Variants in DOCK5 observed in about 807,000 individuals in gnomAD.
DOCK5 encodes dedicator of cytokinesis 5, also known as dedicator of cytokinesis protein 5.
Under a neutral mutation model 251.8 loss-of-function variants are expected in DOCK5, and 142 were observed. That is an observed-to-expected ratio of 0.56 (90% CI 0.49 to 0.65). The LOEUF (loss-of-function observed/expected upper bound fraction) is 0.65, where lower values mean the gene tolerates loss of function less well. DOCK5 is among the 30% of genes least tolerant of loss of function. DOCK5 has a pLI of 0.00. For synonymous variants in DOCK5, 842 were observed against 835.5 expected, an observed-to-expected ratio of 1.01 and a Z score of -0.13; for missense variants, 2,111 against 2,312.3, an observed-to-expected ratio of 0.91 and a Z score of 1.79.
chr8:25,331,313 G>T (rs1431018478), intron 18 of DOCK5, among the ~76,000 whole-genome samples: 1 of 150,834 alleles, frequency 6.6e-6, no homozygotes, highest in African/African-American at 2.4e-5. Context: ...TCTCTATGTT[G>T]CCCAGGCTGG....
At position 25,334,189 on chromosome 8, in the gene DOCK5, G is replaced by T. The variant is rs1234415238; in HGVS notation, c.2185G>T (p.Ala729Ser). Residue 729 changes from alanine (A) to serine (S), a missense_variant, in exon 21 of 52, where the codon GCA becomes TCA. Ala to Ser is a moderately conservative substitution (Grantham distance 99). This residue lies in a region of DOCK5 where 1,717 missense variants were observed against 1,892.4 expected (regional missense o/e 0.91). Transcript: ENST00000276440. ...TTACAAGCACTTCAGCGCCACTTTG[G>T]CATATGTGTAAGTATGATCTGAAGG... ...YIYKHFSATLAYVKLSKVLNF... is the reference protein window; with the variant it reads ...YIYKHFSATLSYVKLSKVLNF... The T allele has an allele frequency of 6.2e-7, 1 of 1,612,458 alleles. No homozygotes were observed. Among genetic ancestry groups the T allele is most frequent in the Non-Finnish European group, 8.5e-7 (1 of 1,178,626 alleles).
chr8:25,278,508 C>T (rs1804105547), intron 4 of DOCK5, 61 bp from the exon 5 acceptor site: 3 of 1,525,926 alleles, frequency 2.0e-6, no homozygotes, highest in South Asian at 1.1e-5. Context: ...GTCTGATCCC[C>T]ATCAAGTAAA....
At chr8:25,352,256 G>A (rs1273267257) in intron 27 of DOCK5, among the ~76,000 whole-genome samples, 4 of 140,770 alleles carry the variant, frequency 2.8e-5, no homozygotes, top group African/African-American at 8.0e-5. Context: ...GGGAGGGAAG[G>A]GAGGGAGGGA....
At chr8:25,306,944 T>C (rs1804957868) in intron 11 of DOCK5, among the ~76,000 whole-genome samples, 1 of 152,144 alleles carries the variant, frequency 6.6e-6, no homozygotes, top group African/African-American at 2.4e-5. Flanking sequence ...AGCCTATTGC[T>C]CCTAGACTGT....
intron 5 of DOCK5, among the ~76,000 whole-genome samples, chr8:25,288,233 C>T (rs574769462): frequency 6.6e-6 from 1 of 152,278 alleles, no homozygotes; most frequent in African/African-American, 2.4e-5. Flanking sequence ...CACCTGTCCT[C>T]ATATGCTTCC....
chr8:25,351,661 T>C, intron 26 of DOCK5, 70 bp from the exon 27 acceptor site: 13 of 1,212,818 alleles, frequency 1.1e-5, no homozygotes, highest in Non-Finnish European at 1.4e-5. Flanking sequence ...AAAACTCATC[T>C]ATCTGAGGTT....
chr8:25,354,920 A>G (rs76816629), intron 27 of DOCK5, among the ~76,000 whole-genome samples: 3,160 of 152,220 alleles, frequency 0.021, 103 homozygotes, highest in African/African-American at 0.072. Flanking sequence ...ATGATACTCA[A>G]TGGTCGTTAA....
intron 27 of DOCK5, among the ~76,000 whole-genome samples, chr8:25,357,137 GTTTAA>G (rs938357222): frequency 6.6e-5 from 10 of 151,392 alleles, no homozygotes; most frequent in African/African-American, 2.4e-4. Flanking sequence ...TGGACAGACT[GTTTAA>G]TTTAGAGAAA....
intron 27 of DOCK5, among the ~76,000 whole-genome samples, chr8:25,355,819 A>G (rs999487240): frequency 2.0e-5 from 3 of 152,308 alleles, no homozygotes; most frequent in Admixed American, 2.0e-4. Context: ...TAGAGATTAT[A>G]AATAAGAAAT....
intron 10 of DOCK5, among the ~76,000 whole-genome samples, chr8:25,303,114 G>A (rs1007649701): frequency 1.3e-5 from 2 of 152,116 alleles, no homozygotes; most frequent in African/African-American, 4.8e-5. Flanking sequence ...AAGAGAAGGA[G>A]GAAAGGAGGA....
chr8:25,243,244 C>A (rs1040257212), intron 1 of DOCK5, among the ~76,000 whole-genome samples: 2 of 151,852 alleles, frequency 1.3e-5, no homozygotes, highest in African/African-American at 2.4e-5. Flanking sequence ...AATGAGGATC[C>A]ATTTCTGTGC....
chr8:25,409,885 A>T (rs1801589247), intron 50 of DOCK5: 1 of 472,716 alleles, frequency 2.1e-6, no homozygotes. Flanking sequence ...TTTGCTTCAG[A>T]ACACCTTGTG....
In DOCK5 at chr8:25,304,291, A is replaced by C; in HGVS notation, c.1013A>C (p.Asp338Ala). Residue 338 changes from aspartate to alanine, a missense_variant, in exon 11 of 52, where the codon GAT becomes GCT. Transcript: ENST00000276440. ...DITDIIHGKV[D>A]DEEKQHFIPF... ...ACTGATATCATACATGGGAAGGTGGATGATGAAGAAAAGCAGCATTTTATT... is the reference window on the plus strand; with the variant it reads ...ACTGATATCATACATGGGAAGGTGGCTGATGAAGAAAAGCAGCATTTTATT... The C allele has an allele frequency of 6.2e-7, 1 of 1,611,024 alleles. No individual in the cohort carries two copies. Among genetic ancestry groups the C allele is most frequent in the Non-Finnish European group, 8.5e-7 (1 of 1,178,694 alleles).
intron 43 of DOCK5, 62 bp downstream of exon 43, chr8:25,392,042 G>T (rs571349128): frequency 1.3e-6 from 2 of 1,492,208 alleles, no homozygotes; most frequent in Non-Finnish European, 1.8e-6. Flanking sequence ...GGTGGCTCAC[G>T]CCTGTAATCC....
In DOCK5 at chr8:25,317,111, G is replaced by T. The variant is rs1272597417; in HGVS notation, c.1423G>T (p.Glu475Ter). 6.2e-7 allele frequency: 1 copy of T among 1,613,778 alleles called. No individual in the cohort carries two copies. Among genetic ancestry groups the T allele is most frequent in the Non-Finnish European group, 8.5e-7 (1 of 1,179,834 alleles). Residue 475 changes from glutamate (E) to a stop codon, truncating the protein, a stop_gained, in exon 14 of 52, where the codon GAG becomes TAG. Transcript: ENST00000276440. LOFTEE classifies it high-confidence loss of function. Reference sequence around the variant, plus strand: ...GGAGGTGACGATGTCTGTGCACGATGAGGAGGGCAAGCTCTTGGAGGTGCG... The same window carrying T: ...GGAGGTGACGATGTCTGTGCACGATTAGGAGGGCAAGCTCTTGGAGGTGCG... ...NVEVTMSVHD[E>*]EGKLLEKAIH...
At chr8:25,233,091 A>AC (rs981745529) in intron 1 of DOCK5, among the ~76,000 whole-genome samples, 7 of 150,926 alleles carry the variant, frequency 4.6e-5, no homozygotes, top group African/African-American at 1.5e-4. Context: ...AGCCACCTTG[A>AC]CCCCCCTGAA....
In DOCK5 at chr8:25,382,724, G is replaced by T. The variant is rs549500281; in HGVS notation, c.4077G>T (p.Gln1359His). The change falls in exon 40 of 52, where the codon CAG (glutamine) becomes CAT (histidine). Residue 1359 changes from glutamine (Q) to histidine (H), a missense_variant. Gln to His is a conservative substitution (Grantham distance 24). This residue lies in a region of DOCK5 where 1,717 missense variants were observed against 1,892.4 expected (regional missense o/e 0.91). Coordinates refer to ENST00000276440, the MANE Select transcript of DOCK5 (RefSeq NM_024940.8). ...YENIIKAMRP[Q>H]PEYFAVGYYG... ...ACATCATTAAGGCAATGAGGCCTCA[G>T]CCTGAATACTTTGCTGTTGGATACT... 6.2e-7 allele frequency: 1 copy of T among 1,613,684 alleles called. No individual in the cohort carries two copies. The highest frequency in any genetic ancestry group is 8.5e-7 in the Non-Finnish European group (1 of 1,179,800).
intron 6 of DOCK5, 110 bp from the exon 7 acceptor site, chr8:25,296,403 C>T: frequency 7.1e-7 from 1 of 1,399,600 alleles, no homozygotes; most frequent in East Asian, 2.5e-5. Context: ...CTGGGCTTGT[C>T]CAGCATCTCC....
chr8:25,197,210 G>A (rs2320887), intron 1 of DOCK5, among the ~76,000 whole-genome samples: 95,375 of 152,040 alleles, frequency 0.63, 32,386 homozygotes, highest in Non-Finnish European at 0.76. Flanking sequence ...GGGTTTTATT[G>A]TCAAGCTTTA....
Sources: allele counts gnomAD v4.1 joint callset (sites outside exome capture counted in the v4.1 genomes callset), GRCh38; gene constraint gnomAD v4.1.1; regional missense constraint gnomAD v4.1.1; transcripts MANE v1.5; gene names NCBI Gene and HGNC (gene_info 2026-07-23, HGNC 2026-07-21).